Variants in PLXDC2 observed in about 807,000 individuals in gnomAD.
The protein encoded by PLXDC2 is plexin domain containing 2.
A neutral mutation model predicts 68.9 loss-of-function variants in PLXDC2; 40 were observed. The observed-to-expected ratio is 0.58, with a 90% CI of 0.45 to 0.76. The LOEUF is 0.76. Among genes scored for constraint, PLXDC2 ranks in the 30% least tolerant of loss-of-function variants. PLXDC2 has a pLI of 0.00. For synonymous variants in PLXDC2, 243 were observed against 234.2 expected (o/e 1.04, Z -0.34); for missense variants, 644 against 661.9 (o/e 0.97, Z 0.30).
At chr10:20,066,322 C>T (rs550666254) in intron 3 of PLXDC2, among the ~76,000 whole-genome samples, 5 of 152,252 alleles carry the variant, frequency 3.3e-5, no homozygotes, top group Non-Finnish European at 5.9e-5. Flanking sequence ...GGCTGAGAAA[C>T]TCATGTCATA....
intron 9 of PLXDC2, among the ~76,000 whole-genome samples, chr10:20,190,999 C>T (rs753102257): frequency 8.8e-4 from 134 of 151,892 alleles, no homozygotes; most frequent in Non-Finnish European, 4.9e-4. Flanking sequence ...GTCGGAGATG[C>T]AATCTTACCC....
At chr10:20,098,012 G>A (rs1288498310) in intron 4 of PLXDC2, among the ~76,000 whole-genome samples, 2 of 150,786 alleles carry the variant, frequency 1.3e-5, no homozygotes, top group Admixed American at 1.3e-4. Flanking sequence ...GTGTGTGGTG[G>A]AGAGAGACTA....
chr10:20,228,066 G>T (rs1835310006), intron 12 of PLXDC2, among the ~76,000 whole-genome samples: 1 of 152,158 alleles, frequency 6.6e-6, no homozygotes, highest in African/African-American at 2.4e-5. Context: ...GGAAATACAG[G>T]AAGAGAAAGG....
chr10:19,818,231 T>G (rs1589481793), intron 1 of PLXDC2, among the ~76,000 whole-genome samples: 1 of 55,250 alleles, frequency 1.8e-5, no homozygotes, highest in Admixed American at 1.6e-4. Flanking sequence ...TTTTCTGGTG[T>G]GTGTGTGTGT....
Position 19,926,880 on chromosome 10 carries a change from T to C in PLXDC2, c.113-74895T>C, listed in dbSNP as rs141073291. On this transcript the variant is annotated intron_variant, in intron 1 of 13. Transcript: ENST00000377252. ...TTGATCATTGCATCTTTTATTAAGA[T>C]AGACTTTAGAAGTTCACAGGTAGCT... 1.2e-4 allele frequency among the ~76,000 whole-genome samples: 18 copies of C among 152,350 alleles called. 1 individual carries two copies. The highest frequency in any genetic ancestry group is 4.3e-4 in the African/African-American group (18 of 41,590).
In PLXDC2 at chr10:20,051,695, A is replaced by G. The variant is rs1988635; in HGVS notation, c.471+4680A>G. Among the ~76,000 whole-genome samples, 988 of 152,012 alleles carry G rather than the reference A, an allele frequency of 6.5e-3. 5 individuals carry two copies. The highest frequency in any genetic ancestry group is 0.011 in the Non-Finnish European group (774 of 67,964). ...CTCTCCCGTGCTTTTATTTATTAGT[A>G]TAAAAAACAAATCTCTTATTTGGTA... is the stretch of plus-strand genomic sequence containing the variant. On this transcript the variant is annotated intron_variant, in intron 3 of 13. Transcript: ENST00000377252.
At chr10:20,163,679 G>C (rs143958732) in intron 6 of PLXDC2, among the ~76,000 whole-genome samples, 45 of 152,218 alleles carry the variant, frequency 3.0e-4, no homozygotes, top group African/African-American at 1.1e-3. Flanking sequence ...ATAATAAAGA[G>C]AGTAATCATA....
intron 1 of PLXDC2, among the ~76,000 whole-genome samples, chr10:19,869,830 C>T (rs779349217): frequency 9.2e-5 from 14 of 151,898 alleles, no homozygotes; most frequent in Admixed American, 3.3e-4. Flanking sequence ...CCGCCACTGC[C>T]AGCTCGCCTT....
At chr10:19,976,076 G>A (rs1834448974) in intron 1 of PLXDC2, among the ~76,000 whole-genome samples, 1 of 152,160 alleles carries the variant, frequency 6.6e-6, no homozygotes, top group Non-Finnish European at 1.5e-5. Context: ...CTATCCCCAT[G>A]CAAAGTTGGC....
chr10:20,162,111 GGAAGGAAGGAAGGAAGGAAA>G (rs1834307510), intron 6 of PLXDC2, among the ~76,000 whole-genome samples: 1 of 141,334 alleles, frequency 7.1e-6, no homozygotes. Flanking sequence ...AAGGAAGGAA[GGAAGGAAGGAAGGAAGGAAA>G]GAAAGAAGGA....
chr10:20,213,958 G>A (rs1331988802), intron 10 of PLXDC2, among the ~76,000 whole-genome samples: 2 of 151,884 alleles, frequency 1.3e-5, no homozygotes, highest in Non-Finnish European at 2.9e-5. Context: ...ATTACTCTGT[G>A]CTGTATTTGG....
intron 1 of PLXDC2, among the ~76,000 whole-genome samples, chr10:19,996,052 A>G (rs1471771511): frequency 2.6e-5 from 4 of 152,224 alleles, no homozygotes; most frequent in African/African-American, 7.2e-5. Context: ...ATAAGGAGTC[A>G]TTCGAGGCTT....
At chr10:20,177,916 C>G (rs1169897695) in intron 9 of PLXDC2, among the ~76,000 whole-genome samples, 2 of 152,026 alleles carry the variant, frequency 1.3e-5, no homozygotes, top group Non-Finnish European at 2.9e-5. Flanking sequence ...CTCAAAATTA[C>G]TAACAGCATT....
At position 20,250,271 on chromosome 10, in the gene PLXDC2, CAAAAAAAA is replaced by C. The variant is rs35463564; in HGVS notation, c.1473+4780_1473+4787del. 6.5e-5 allele frequency among the ~76,000 whole-genome samples: 7 copies of C among 108,464 alleles called. No individual in the cohort carries two copies. In the South Asian group the frequency reaches 1.3e-3, roughly 21 times the overall value. 71.2% of individuals were successfully genotyped at this position (108,464 alleles called of 152,430 possible). On this transcript the variant is annotated intron_variant, in intron 13 of 13. Transcript: ENST00000377252. ...TGGGCAATCGAGTGAGATCCTGTTT[CAAAAAAAA>C]AAAAAAAAAAAAATTCATGACTCTA... is the stretch of plus-strand genomic sequence containing the variant.
At chr10:20,078,381 T>G (rs1167930527) in intron 4 of PLXDC2, among the ~76,000 whole-genome samples, 2 of 152,120 alleles carry the variant, frequency 1.3e-5, no homozygotes, top group East Asian at 3.9e-4. Context: ...AGATCTTGTC[T>G]CTAAAAAAAT....
intron 9 of PLXDC2, among the ~76,000 whole-genome samples, chr10:20,205,498 T>C (rs973846280): frequency 2.9e-4 from 44 of 152,212 alleles, no homozygotes; most frequent in African/African-American, 1.0e-3. Flanking sequence ...TTAGAGTTTC[T>C]CTCATAATAT....
intron 12 of PLXDC2, among the ~76,000 whole-genome samples, chr10:20,224,900 T>C (rs868207050): frequency 1.3e-5 from 2 of 152,186 alleles, no homozygotes; most frequent in South Asian, 4.1e-4. Flanking sequence ...TGACAGCATT[T>C]TTATCATTTC....
At chr10:20,263,207 A>T (rs1055449721) in intron 13 of PLXDC2, among the ~76,000 whole-genome samples, 4 of 152,214 alleles carry the variant, frequency 2.6e-5, no homozygotes, top group Admixed American at 6.5e-5. Context: ...AAGGCCACAC[A>T]TCTACGACCA....
chr10:19,924,502 A>G (rs1024042159), intron 1 of PLXDC2, among the ~76,000 whole-genome samples: 1 of 152,244 alleles, frequency 6.6e-6, no homozygotes, highest in Non-Finnish European at 1.5e-5. Context: ...TTCCTTGGCA[A>G]GGTTATATAA....
Sources: gnomAD v4.1 joint callset for allele counts (sites outside exome capture counted in the v4.1 genomes callset) on GRCh38, gnomAD v4.1.1 for gene constraint, MANE v1.5 for transcripts, NCBI Gene and HGNC (gene_info 2026-07-23, HGNC 2026-07-21) for gene names.